Variants in APBA1 observed in about 807,000 individuals in gnomAD.
APBA1 encodes amyloid beta precursor protein binding family A member 1, also known as amyloid-beta A4 precursor protein-binding family A member 1.
A neutral mutation model predicts 86.6 loss-of-function variants in APBA1; 55 were observed. The ratio of observed to expected loss-of-function variants is 0.64; its 90% CI spans 0.51 to 0.80. The LOEUF is 0.80. Ranked by LOEUF, APBA1 falls within the 30% of genes least tolerant of loss-of-function variation. The pLI is 0.00. For synonymous variants in APBA1, 511 were observed against 493.9 expected (o/e 1.03, Z -0.46); for missense variants, 1,090 against 1,183.0 (o/e 0.92, Z 1.15).
chr9:69,591,021 T>TC (rs1203819665), intron 1 of APBA1, among the ~76,000 whole-genome samples: 2 of 151,922 alleles, frequency 1.3e-5, no homozygotes, highest in Non-Finnish European at 2.9e-5. Flanking sequence ...CTCCAAGAGG[T>TC]CCCCCGTACC....
rs569486605 is a variant in APBA1 at position 69,622,707 on chromosome 9, C to T, written c.-70+49446G>A. Among the ~76,000 whole-genome samples the T allele has an allele frequency of 9.1e-4, 138 of 152,254 alleles. 1 individual carries two copies. Among genetic ancestry groups the T allele is most frequent in the Non-Finnish European group, 1.6e-3 (106 of 68,014 alleles). On this transcript the variant is annotated intron_variant, in intron 1 of 12. Transcript: ENST00000265381. ...CACCCTCACGTCATCTATGTCATTG[C>T]AGCCTCGGGCCTTGCAATGTGTCTG...
chr9:69,660,918 C>T (rs1298742878), intron 1 of APBA1, among the ~76,000 whole-genome samples: 1 of 152,160 alleles, frequency 6.6e-6, no homozygotes, highest in Non-Finnish European at 1.5e-5. Context: ...GTACAAAGCA[C>T]TGTGAGAGTT....
Position 69,512,323 on chromosome 9 carries a change from A to C in APBA1, c.1200+3688T>G, listed in dbSNP as rs181914423. The stretch of plus-strand genomic sequence containing the variant: ...GGATTAGCAATCCCATTTTCTCTCT[A>C]TATACAACTCACCAGCAAACAAATG... On this transcript the variant is annotated intron_variant, in intron 2 of 12. Transcript: ENST00000265381. Among the ~76,000 whole-genome samples the C allele has an allele frequency of 5.9e-3, 905 of 152,300 alleles. 7 individuals carry two copies. The highest frequency in any genetic ancestry group is 0.011 in the Non-Finnish European group (741 of 68,024).
rs556354165 is a variant in APBA1, at chr9:69,441,254, G to A, written c.2182-139C>T. 7 of 1,049,750 alleles carry A rather than the reference G, an allele frequency of 6.7e-6. No homozygotes were observed. In the South Asian group the frequency reaches 1.2e-4, roughly 18 times the overall value. 65.0% of individuals were successfully genotyped at this position (1,049,750 alleles called of 1,614,324 possible). ...CTGCCTGCTTGCCTGCAGGCCTCTG[G>A]TGCCTGGGCTGGTACAGTCACTGCT... is the stretch of plus-strand genomic sequence containing the variant. On this transcript the variant is annotated intron_variant, in intron 10 of 12. Coordinates refer to ENST00000265381, the MANE Select transcript of APBA1 (RefSeq NM_001163.4).
At chr9:69,643,268 G>A (rs1447820616) in intron 1 of APBA1, among the ~76,000 whole-genome samples, 1 of 152,046 alleles carries the variant, frequency 6.6e-6, no homozygotes, top group South Asian at 2.1e-4. Flanking sequence ...TTCACCTGCC[G>A]AGTCTCAGTA....
chr9:69,493,599 T>G (rs1376960253), intron 2 of APBA1, among the ~76,000 whole-genome samples: 4 of 152,140 alleles, frequency 2.6e-5, no homozygotes, highest in Admixed American at 6.5e-5. Context: ...AAGTACAATA[T>G]TTTAATAAGC....
At position 69,502,468 on chromosome 9, in the gene APBA1, G is replaced by T. The variant is rs75758911; in HGVS notation, c.1200+13543C>A. Among the ~76,000 whole-genome samples the T allele has an allele frequency of 7.1e-3, 1,084 of 151,864 alleles. 14 individuals are homozygous for T. The highest frequency in any genetic ancestry group is 0.024 in the African/African-American group (1,010 of 41,408). On this transcript the variant is annotated intron_variant, in intron 2 of 12. Transcript: ENST00000265381. ...ATTTGTTCTTCAAATGGGATTTCAG[G>T]GTGAAGCCTTTTCATTTTAAAGGTG...
In APBA1 at chr9:69,593,996, C is replaced by T. The variant is rs1019342178; in HGVS notation, c.-69-76717G>A. ...TATTACATTTGCATAACAGCAGAGGCGTTGGATCTTCTGGCGTTAGATTCC... is the reference window on the plus strand; with the variant it reads ...TATTACATTTGCATAACAGCAGAGGTGTTGGATCTTCTGGCGTTAGATTCC... On this transcript the variant is annotated intron_variant, in intron 1 of 12. Transcript: ENST00000265381. Among the ~76,000 whole-genome samples, 7 of 152,266 alleles carry T rather than the reference C, an allele frequency of 4.6e-5. No individual in the cohort carries two copies. In the East Asian group the frequency reaches 1.2e-3, roughly 25 times the overall value.
intron 1 of APBA1, among the ~76,000 whole-genome samples, chr9:69,653,874 G>A (rs1282883954): frequency 6.6e-6 from 1 of 152,096 alleles, no homozygotes; most frequent in Non-Finnish European, 1.5e-5. Context: ...TTGGGAGGCC[G>A]AGGCAGGTGG....
chr9:69,519,531 G>A (rs1037546669), intron 1 of APBA1, among the ~76,000 whole-genome samples: 1 of 152,148 alleles, frequency 6.6e-6, no homozygotes, highest in African/African-American at 2.4e-5. Context: ...ATCTACATTG[G>A]GTTCTTAAGG....
chr9:69,499,572 A>G (rs1835849784), intron 2 of APBA1, among the ~76,000 whole-genome samples: 1 of 151,858 alleles, frequency 6.6e-6, no homozygotes, highest in African/African-American at 2.4e-5. Context: ...GCTTGACAAC[A>G]CAACAGCAAG....
At chr9:69,614,315 G>A (rs921959608) in intron 1 of APBA1, among the ~76,000 whole-genome samples, 2 of 152,052 alleles carry the variant, frequency 1.3e-5, no homozygotes, top group African/African-American at 2.4e-5. Context: ...GAGTATCAAC[G>A]GATGCTTCTC....
At chr9:69,661,002 C>T (rs1221295088) in intron 1 of APBA1, among the ~76,000 whole-genome samples, 1 of 152,124 alleles carries the variant, frequency 6.6e-6, no homozygotes, top group African/African-American at 2.4e-5. Context: ...TGCCTTGGAG[C>T]TGAGAATGTT....
At chr9:69,449,982 G>C (rs1452580956) in intron 9 of APBA1, among the ~76,000 whole-genome samples, 186 bp from the exon 10 acceptor site, 1 of 150,948 alleles carries the variant, frequency 6.6e-6, no homozygotes, top group Non-Finnish European at 1.5e-5. Flanking sequence ...AATTCACACA[G>C]GTCTACACTC....
chr9:69,579,241 A>G (rs1387548291), intron 1 of APBA1, among the ~76,000 whole-genome samples: 1 of 152,140 alleles, frequency 6.6e-6, no homozygotes. Flanking sequence ...CAATGTGCAC[A>G]GCCACATGAG....
At chr9:69,532,342 A>C (rs1836447230) in intron 1 of APBA1, among the ~76,000 whole-genome samples, 1 of 152,218 alleles carries the variant, frequency 6.6e-6, no homozygotes, top group Admixed American at 6.5e-5. Context: ...CTTAAAAGAC[A>C]TGTAGGTGGG....
chr9:69,447,565 G>T (rs915133936), intron 10 of APBA1, among the ~76,000 whole-genome samples: 1 of 152,212 alleles, frequency 6.6e-6, no homozygotes, highest in African/African-American at 2.4e-5. Context: ...ACATTTTGGG[G>T]GATGAAGATC....
chr9:69,501,787 C>G (rs1835884312), intron 2 of APBA1, among the ~76,000 whole-genome samples: 1 of 151,948 alleles, frequency 6.6e-6, no homozygotes, highest in Non-Finnish European at 1.5e-5. Context: ...AGGATTGTAT[C>G]CTTGCACTCT....
chr9:69,500,568 G>GAAC (rs1588323306), intron 2 of APBA1, among the ~76,000 whole-genome samples: 1 of 152,168 alleles, frequency 6.6e-6, no homozygotes, highest in East Asian at 1.9e-4. Context: ...AGATACAGGA[G>GAAC]AACGATGAGA....
Sources: gnomAD v4.1 joint callset for allele counts (sites outside exome capture counted in the v4.1 genomes callset) on GRCh38, gnomAD v4.1.1 for gene constraint, MANE v1.5 for transcripts, NCBI Gene and HGNC (gene_info 2026-07-23, HGNC 2026-07-21) for gene names.